LRTM3: variants seen among roughly 807,000 people sequenced by gnomAD.
LRTM3 encodes the protein leucine-rich repeat transmembrane protein 3.
At chr13:102,758,458 T>G in the LRTM3 span, 2 of 1,539,394 alleles carry the variant, frequency 1.3e-6, no homozygotes, top group South Asian at 1.2e-5. Context: ...TGGAGCTGAA[T>G]AGGAATAAAA....
chr13:102,739,639 T>A, the LRTM3 span: 1 of 1,550,520 alleles, frequency 6.4e-7, no homozygotes, highest in Non-Finnish European at 8.7e-7. Flanking sequence ...GTGACAGTGA[T>A]GACTTCCTTG....
At chr13:102,751,903 G>A in the LRTM3 span, among the ~76,000 whole-genome samples, 15,274 of 152,176 alleles carry the variant, frequency 0.1, 833 homozygotes, top group South Asian at 0.16. Context: ...TCCTGACCAT[G>A]ATGGGATGGG....
the LRTM3 span, among the ~76,000 whole-genome samples, chr13:102,751,301 A>T: frequency 6.6e-6 from 1 of 151,268 alleles, no homozygotes; most frequent in African/African-American, 2.4e-5. Context: ...ACAATTGCTT[A>T]AGCCAATTAT....
At chr13:102,756,194 C>T in the LRTM3 span, among the ~76,000 whole-genome samples, 5 of 150,554 alleles carry the variant, frequency 3.3e-5, no homozygotes, top group South Asian at 2.1e-4. Context: ...CTCAGTGATC[C>T]GCCCACCTCA....
the LRTM3 span, chr13:102,732,437 A>C: frequency 6.4e-7 from 1 of 1,551,184 alleles, no homozygotes. Flanking sequence ...TTCTCTTTTC[A>C]GATCTCTTAT....
At chr13:102,748,863 C>T in the LRTM3 span, 3 of 1,550,204 alleles carry the variant, frequency 1.9e-6, no homozygotes, top group South Asian at 2.4e-5. Context: ...CTTTTGTTTT[C>T]TTTGTCATAC....
chr13:102,749,592 G>A, the LRTM3 span: 13 of 1,551,416 alleles, frequency 8.4e-6, no homozygotes, highest in Admixed American at 2.0e-5. Flanking sequence ...TCAACAAAAT[G>A]TTGGTTCCTA....
At chr13:102,729,609 T>C in the LRTM3 span, 2 of 1,544,238 alleles carry the variant, frequency 1.3e-6, no homozygotes, top group East Asian at 2.4e-5. Flanking sequence ...CGAATGGTTT[T>C]GGGTATAACC....
the LRTM3 span, chr13:102,740,860 C>G: frequency 6.5e-7 from 1 of 1,549,874 alleles, no homozygotes; most frequent in Non-Finnish European, 8.7e-7. Context: ...GTGACTTAAT[C>G]TGAAGTACGT....
the LRTM3 span, chr13:102,733,980 CTT>C: frequency 1.9e-6 from 3 of 1,551,386 alleles, no homozygotes; most frequent in Non-Finnish European, 1.7e-6. Context: ...CCTGGAGTGT[CTT>C]TGTCTGTTTT....
the LRTM3 span, chr13:102,737,038 T>G: frequency 1.3e-6 from 2 of 1,551,126 alleles, no homozygotes; most frequent in Non-Finnish European, 1.7e-6. Context: ...CATGTCTCAA[T>G]TTTTCTTTTA....
chr13:102,745,884 GTGTT>G, the LRTM3 span: 1 of 1,551,192 alleles, frequency 6.4e-7, no homozygotes, highest in Non-Finnish European at 8.7e-7. Flanking sequence ...TGTGTAAAAT[GTGTT>G]TGTGGTTGTA....
At chr13:102,730,539 ACT>A in the LRTM3 span, 1 of 1,551,540 alleles carries the variant, frequency 6.4e-7, no homozygotes, top group Non-Finnish European at 8.7e-7. Context: ...TGGAATTCTG[ACT>A]CTGAAAGAAC....
chr13:102,734,583 G>C, the LRTM3 span: 11 of 1,547,596 alleles, frequency 7.1e-6, no homozygotes, highest in Admixed American at 2.0e-5. Context: ...ATTTTTTTTT[G>C]GTTCCTCTCT....
At chr13:102,735,473 G>C in the LRTM3 span, 1 of 1,551,288 alleles carries the variant, frequency 6.4e-7, no homozygotes, top group Non-Finnish European at 8.7e-7. Flanking sequence ...AAGTAAAGAA[G>C]TATTAATGCT....
At chr13:102,745,848 G>T in the LRTM3 span, 1 of 1,551,088 alleles carries the variant, frequency 6.4e-7, no homozygotes, top group South Asian at 1.2e-5. Context: ...TCCAGTGTAG[G>T]GCATGAAGTA....
chr13:102,731,693 G>T, the LRTM3 span: 1 of 1,551,372 alleles, frequency 6.4e-7, no homozygotes, highest in South Asian at 1.2e-5. Context: ...TTCTGCATTT[G>T]TACTGTCTGC....
chr13:102,733,104 G>T, the LRTM3 span: 1 of 1,551,420 alleles, frequency 6.4e-7, no homozygotes. Flanking sequence ...GTTTCCGATG[G>T]TGTCTTCTGC....
chr13:102,734,337 C>T, the LRTM3 span: 6 of 1,551,384 alleles, frequency 3.9e-6, no homozygotes, highest in South Asian at 3.6e-5. Flanking sequence ...GATGTCTTAC[C>T]TCCAAGCCTT....
Sources: gnomAD v4.1 joint callset for allele counts (sites outside exome capture counted in the v4.1 genomes callset) on GRCh38, gnomAD v4.1.1 for gene constraint, MANE v1.5 for transcripts, NCBI Gene and HGNC (gene_info 2026-07-23, HGNC 2026-07-21) for gene names.